MAP3K1: variants seen among roughly 807,000 people sequenced by gnomAD.
MAP3K1 encodes the protein mitogen-activated protein kinase kinase kinase 1.
A neutral mutation model predicts 144.2 loss-of-function variants in MAP3K1; 36 were observed. The ratio of observed to expected loss-of-function variants is 0.25; its 90% CI spans 0.19 to 0.33. The LOEUF (loss-of-function observed/expected upper bound fraction) is 0.33, where lower values mean the gene tolerates loss of function less well. Ranked by LOEUF, MAP3K1 falls within the 10% of genes least tolerant of loss-of-function variation. The pLI, the probability that MAP3K1 is intolerant of heterozygous loss-of-function variation, is 1.00. For synonymous variants in MAP3K1, 718 were observed against 688.7 expected, an observed-to-expected ratio of 1.04 and a Z score of -0.67; for missense variants, 1,650 against 1,881.9, an observed-to-expected ratio of 0.88 and a Z score of 2.28.
intron 5 of MAP3K1, 26 bp downstream of exon 5, chr5:56,865,482 A>G: frequency 1.6e-6 from 2 of 1,221,146 alleles, no homozygotes. Context: ...TGCTTAGAGT[A>G]AAATTGTTAG....
intron 1 of MAP3K1, among the ~76,000 whole-genome samples, chr5:56,821,446 G>A (rs1345094335): frequency 2.0e-5 from 3 of 152,212 alleles, no homozygotes; most frequent in Non-Finnish European, 4.4e-5. Context: ...TAGTTAGTAC[G>A]TTAACTAAGT....
intron 10 of MAP3K1, among the ~76,000 whole-genome samples, chr5:56,876,431 T>C (rs1325980637): frequency 3.9e-5 from 6 of 152,212 alleles, no homozygotes; most frequent in African/African-American, 1.4e-4. Flanking sequence ...AGTCTTTTTC[T>C]AATGCATCCT....
chr5:56,870,059 CAGATCTGT>C (rs1454978801), intron 6 of MAP3K1, among the ~76,000 whole-genome samples: 7 of 152,124 alleles, frequency 4.6e-5, no homozygotes. Flanking sequence ...GGTAGTTACT[CAGATCTGT>C]TTTTCAGGGA....
At chr5:56,848,259 T>C (rs1747060058) in intron 1 of MAP3K1, among the ~76,000 whole-genome samples, 1 of 152,194 alleles carries the variant, frequency 6.6e-6, no homozygotes, top group Non-Finnish European at 1.5e-5. Flanking sequence ...CGAATATTCT[T>C]CCTTTTCTCA....
intron 1 of MAP3K1, among the ~76,000 whole-genome samples, chr5:56,844,562 T>A (rs1432735127): frequency 1.3e-5 from 2 of 152,092 alleles, no homozygotes; most frequent in Non-Finnish European, 2.9e-5. Flanking sequence ...TTCTGTTCTT[T>A]AAAATTATTC....
chr5:56,835,949 A>G (rs1226493893), intron 1 of MAP3K1, among the ~76,000 whole-genome samples: 9 of 152,192 alleles, frequency 5.9e-5, no homozygotes, highest in African/African-American at 1.9e-4. Flanking sequence ...TTTAAATTGT[A>G]GCTTGTGGTA....
intron 1 of MAP3K1, among the ~76,000 whole-genome samples, chr5:56,849,803 A>G (rs887771664): frequency 5.3e-5 from 8 of 152,228 alleles, no homozygotes; most frequent in Non-Finnish European, 1.0e-4. Flanking sequence ...ATCTAGGTCA[A>G]CAGATTAAAA....
In MAP3K1 at chr5:56,881,853, T is replaced by G. The variant is rs1207511263; in HGVS notation, c.2653T>G (p.Leu885Val). 2 of 1,614,128 alleles carry G rather than the reference T, an allele frequency of 1.2e-6. No homozygotes were observed. The highest frequency in any genetic ancestry group is 4.5e-5 in the East Asian group (2 of 44,874). The change falls in exon 14 of 20, where the codon TTG becomes GTG. Residue 885 changes from leucine (L) to valine (V), a missense_variant. By Grantham distance (32) the Leu-to-Val change is conservative (BLOSUM62 1). Around this residue, in one of 6 missense-constraint regions of MAP3K1, gnomAD observed 841 missense variants for 886.5 expected, o/e 0.95. Coordinates refer to ENST00000399503, the MANE Select transcript of MAP3K1 (RefSeq NM_005921.2). ...DTLDGQQDSFLQASVPNNYLE... is the reference protein window; with the variant it reads ...DTLDGQQDSFVQASVPNNYLE... ...TTTGGATGGTCAACAGGACAGCTTC[T>G]TGCAGGCATCTGTTCCCAACAACTA...
chr5:56,861,401 G>A (rs964469739), intron 3 of MAP3K1, among the ~76,000 whole-genome samples: 3 of 151,716 alleles, frequency 2.0e-5, no homozygotes, highest in African/African-American at 4.8e-5. Context: ...GTGAAACCCC[G>A]TCTCTACTAA....
At chr5:56,864,371 A>G (rs1451587304) in intron 3 of MAP3K1, among the ~76,000 whole-genome samples, 5 of 139,200 alleles carry the variant, frequency 3.6e-5, no homozygotes, top group African/African-American at 1.1e-4. Flanking sequence ...TCTTTGGATA[A>G]TAGTTTCTTT....
chr5:56,867,844 A>G (rs1479579967), intron 6 of MAP3K1, among the ~76,000 whole-genome samples: 1 of 152,226 alleles, frequency 6.6e-6, no homozygotes, highest in Non-Finnish European at 1.5e-5. Flanking sequence ...AAGTAGAAAC[A>G]GTTTAAATAT....
In MAP3K1 at chr5:56,895,063, G is replaced by A. The variant is rs537810786; in HGVS notation, c.*1383G>A. 4.3e-6 allele frequency: 1 copy of A among 231,418 alleles called. No individual in the cohort carries two copies. Among genetic ancestry groups the A allele is most frequent in the Non-Finnish European group, 8.5e-6 (1 of 117,030 alleles). The allele number at this position is 231,418 out of a possible 1,614,324, so 14.3% of individuals were successfully genotyped here. A position where few individuals can be genotyped will look rare whatever the true frequency, so the allele number is the denominator to read the frequency against. ...AGATTTTAGTTTTAACTCTTCAGAAGCCAGTGTGAAATAGAATTGGTTATT... is the reference window on the plus strand; with the variant it reads ...AGATTTTAGTTTTAACTCTTCAGAAACCAGTGTGAAATAGAATTGGTTATT... On this transcript the variant is annotated 3_prime_UTR_variant, in exon 20 of 20. Coordinates refer to ENST00000399503, the MANE Select transcript of MAP3K1 (RefSeq NM_005921.2).
At chr5:56,847,935 A>G (rs1187368182) in intron 1 of MAP3K1, among the ~76,000 whole-genome samples, 2 of 152,222 alleles carry the variant, frequency 1.3e-5, no homozygotes, top group Non-Finnish European at 2.9e-5. Context: ...TCAGTATTCA[A>G]TAGAGGATCA....
rs1468536099 is a variant in MAP3K1 at position 56,865,352 on chromosome 5, G to A, written c.1048G>A (p.Ala350Thr). 2 of 1,600,786 alleles carry A rather than the reference G, an allele frequency of 1.2e-6. No homozygotes were observed. Among genetic ancestry groups the A allele is most frequent in the East Asian group, 2.2e-5 (1 of 44,710 alleles). Reference protein sequence around the residue: ...VFIGPQNCSCARGTFCIHLLF... With the variant: ...VFIGPQNCSCTRGTFCIHLLF... Reference sequence around the variant, plus strand: ...TTTAACTCTTTAGAACTGCAGCTGTGCACGTGGAACATTCTGTATTCATCT... The same window carrying A: ...TTTAACTCTTTAGAACTGCAGCTGTACACGTGGAACATTCTGTATTCATCT... The change falls in exon 5 of 20, where the codon GCA becomes ACA. Residue 350 changes from alanine to threonine, a missense_variant. Coordinates refer to ENST00000399503, the MANE Select transcript of MAP3K1 (RefSeq NM_005921.2).
At chr5:56,824,858 T>C (rs1436628515) in intron 1 of MAP3K1, among the ~76,000 whole-genome samples, 2 of 152,186 alleles carry the variant, frequency 1.3e-5, no homozygotes, top group Non-Finnish European at 2.9e-5. Flanking sequence ...ACCTGAGTCA[T>C]TTTATACCTT....
chr5:56,889,637 A>G (rs1418290322), intron 19 of MAP3K1, among the ~76,000 whole-genome samples: 1 of 152,136 alleles, frequency 6.6e-6, no homozygotes, highest in African/African-American at 2.4e-5. Flanking sequence ...TGGGCTTTGG[A>G]GTCACACTGA....
At chr5:56,848,159 A>G (rs1747055859) in intron 1 of MAP3K1, among the ~76,000 whole-genome samples, 1 of 152,106 alleles carries the variant, frequency 6.6e-6, no homozygotes, top group African/African-American at 2.4e-5. Context: ...ACTGACTAGT[A>G]GCTCTCTGTC....
intron 1 of MAP3K1, chr5:56,820,641 A>C: frequency 1.0e-6 from 1 of 985,354 alleles, no homozygotes; most frequent in African/African-American, 1.7e-5. Context: ...AGATAAGCTG[A>C]AATTAATATG....
At chr5:56,891,947 A>G (rs1440474663) in intron 19 of MAP3K1, among the ~76,000 whole-genome samples, 3 of 152,096 alleles carry the variant, frequency 2.0e-5, no homozygotes, top group Non-Finnish European at 4.4e-5. Flanking sequence ...GCCTTGTAGT[A>G]TAGTTTGAAG....
Sources: allele counts gnomAD v4.1 joint callset (sites outside exome capture counted in the v4.1 genomes callset), GRCh38; gene constraint gnomAD v4.1.1; regional missense constraint gnomAD v4.1.1; transcripts MANE v1.5; gene names NCBI Gene and HGNC (gene_info 2026-07-23, HGNC 2026-07-21).